The following NFATC3 variants were observed in gnomAD, a reference collection of about 807,000 sequenced individuals.
NFATC3 encodes nuclear factor of activated T-cells, cytoplasmic 3.
NFATC3 carries 46 observed loss-of-function variants against 98.6 expected under a neutral mutation model. That is an observed-to-expected ratio of 0.47 (90% CI 0.37 to 0.60). NFATC3 has a LOEUF of 0.60. Among genes scored for constraint, NFATC3 ranks in the 20% least tolerant of loss-of-function variants. The pLI is 0.00. For synonymous variants in NFATC3, 512 were observed against 472.2 expected, an observed-to-expected ratio of 1.08 and a Z score of -1.09; for missense variants, 1,256 against 1,295.5, an observed-to-expected ratio of 0.97 and a Z score of 0.47.
chr16:68,123,045 TGTG>T lies in NFATC3; in HGVS notation c.1166_1168del (p.Gly389del), dbSNP rs746587289. The T allele has an allele frequency of 4.8e-5, 77 of 1,612,988 alleles. No individual in the cohort carries two copies. Among genetic ancestry groups the T allele is most frequent in the Non-Finnish European group, 5.8e-5 (68 of 1,180,026 alleles). ...TCAGTATCCTTTAAAGAAAGATTCA[TGTG>T]GTGATCAGTTTCTTTCAGTTCCTTC... On this transcript the variant is annotated inframe_deletion, in exon 2 of 10. Coordinates refer to ENST00000346183, the MANE Select transcript of NFATC3 (RefSeq NM_173165.3).
chr16:68,115,262 C>A (rs1303757202), intron 1 of NFATC3, among the ~76,000 whole-genome samples: 1 of 151,916 alleles, frequency 6.6e-6, no homozygotes, highest in Non-Finnish European at 1.5e-5. Flanking sequence ...TGAGGTTTTG[C>A]CATGTTGTCC....
intron 9 of NFATC3, among the ~76,000 whole-genome samples, chr16:68,205,903 T>TC (rs2041126362): frequency 6.6e-6 from 1 of 150,768 alleles, no homozygotes; most frequent in Non-Finnish European, 1.5e-5. Flanking sequence ...TATCTTTTTT[T>TC]CTTTTTTTTT....
At chr16:68,189,900 C>T (rs1466843712) in intron 8 of NFATC3, among the ~76,000 whole-genome samples, 3 of 152,012 alleles carry the variant, frequency 2.0e-5, no homozygotes, top group Admixed American at 6.6e-5. Context: ...TTTGTCTCCA[C>T]AAAAAATAAA....
intron 1 of NFATC3, among the ~76,000 whole-genome samples, chr16:68,119,242 A>T (rs927005670): frequency 6.6e-5 from 10 of 152,162 alleles, no homozygotes; most frequent in Admixed American, 6.6e-5. Flanking sequence ...CATCCAGTCA[A>T]CAAGTTCCGT....
intron 1 of NFATC3, among the ~76,000 whole-genome samples, chr16:68,090,753 A>G (rs1378678626): frequency 6.6e-6 from 1 of 152,172 alleles, no homozygotes; most frequent in Non-Finnish European, 1.5e-5. Context: ...TCTTGTAGAA[A>G]TTTAATGGTG....
intron 1 of NFATC3, among the ~76,000 whole-genome samples, chr16:68,120,600 A>G (rs2036520373): frequency 6.7e-6 from 1 of 150,212 alleles, no homozygotes; most frequent in African/African-American, 2.5e-5. Flanking sequence ...AAAATTAGCT[A>G]GGCATGGTGG....
At chr16:68,131,081 A>T (rs1464535847) in intron 3 of NFATC3, among the ~76,000 whole-genome samples, 1 of 152,064 alleles carries the variant, frequency 6.6e-6, no homozygotes, top group Non-Finnish European at 1.5e-5. Context: ...CAAGTAGTGT[A>T]ATGCCTCGGG....
At chr16:68,092,849 A>G (rs1056632301) in intron 1 of NFATC3, among the ~76,000 whole-genome samples, 1 of 152,178 alleles carries the variant, frequency 6.6e-6, no homozygotes, top group Non-Finnish European at 1.5e-5. Flanking sequence ...CTATCCTTTT[A>G]TTGGGTTAGT....
intron 1 of NFATC3, among the ~76,000 whole-genome samples, chr16:68,087,250 T>C (rs899426935): frequency 6.6e-6 from 1 of 152,178 alleles, no homozygotes; most frequent in African/African-American, 2.4e-5. Flanking sequence ...AGAGCATATA[T>C]ACAAATATAT....
intron 9 of NFATC3, among the ~76,000 whole-genome samples, chr16:68,215,350 A>G (rs1427574935): frequency 6.6e-6 from 1 of 152,226 alleles, no homozygotes; most frequent in Non-Finnish European, 1.5e-5. Context: ...AGTTATAACC[A>G]GAGGATTTAA....
chr16:68,095,101 G>A (rs2034940797), intron 1 of NFATC3, among the ~76,000 whole-genome samples: 1 of 152,108 alleles, frequency 6.6e-6, no homozygotes, highest in African/African-American at 2.4e-5. Flanking sequence ...AAATCTGTTA[G>A]GGAGGAAGAA....
chr16:68,190,874 T>C lies in NFATC3; in HGVS notation c.2205T>C (p.Cys735=). The C allele has an allele frequency of 6.2e-7, 1 of 1,614,216 alleles. No homozygotes were observed. The highest frequency in any genetic ancestry group is 8.5e-7 in the Non-Finnish European group (1 of 1,180,044). The change falls in exon 9 of 10, where the codon TGT becomes TGC. Residue 735 remains cysteine (C), a synonymous_variant. Coordinates refer to ENST00000346183, the MANE Select transcript of NFATC3 (RefSeq NM_173165.3). ...QTQRPSSDSG[C]SHDSVLSGQR... ...AGAGGCCTTCCTCTGATTCAGGGTG[T>C]TCACATGACAGTGTACTGTCAGGAC... is the stretch of plus-strand genomic sequence containing the variant.
intron 4 of NFATC3, among the ~76,000 whole-genome samples, chr16:68,163,685 C>CG (rs2039026208): frequency 7.4e-6 from 1 of 134,308 alleles, no homozygotes; most frequent in Non-Finnish European, 1.6e-5. Context: ...ACTTCTCTGA[C>CG]GGGGCGGCCG....
At chr16:68,200,640 G>A (rs943198906) in intron 9 of NFATC3, 1 of 152,076 alleles carries the variant, frequency 6.6e-6, no homozygotes, top group African/African-American at 2.4e-5. Context: ...CCCCCTGGAA[G>A]GCTGTAATAT....
intron 3 of NFATC3, among the ~76,000 whole-genome samples, chr16:68,152,111 C>T (rs978478179): frequency 6.6e-6 from 1 of 151,004 alleles, no homozygotes; most frequent in Non-Finnish European, 1.5e-5. Context: ...GCCTATAATC[C>T]CAGCACTTTG....
chr16:68,176,393 T>C (rs1327394038), intron 6 of NFATC3, among the ~76,000 whole-genome samples: 1 of 151,924 alleles, frequency 6.6e-6, no homozygotes, highest in Non-Finnish European at 1.5e-5. Context: ...CGATATTGCC[T>C]CTATTCTTTG....
intron 9 of NFATC3, among the ~76,000 whole-genome samples, chr16:68,204,098 G>C (rs920580930): frequency 1.3e-5 from 2 of 152,136 alleles, no homozygotes; most frequent in Non-Finnish European, 2.9e-5. Flanking sequence ...TAAGGCAGGA[G>C]AATCGTTTGA....
intron 9 of NFATC3, among the ~76,000 whole-genome samples, chr16:68,215,790 C>T (rs550398511): frequency 2.4e-4 from 32 of 134,230 alleles, no homozygotes; most frequent in South Asian, 2.3e-3. Context: ...TGCAGTGGTG[C>T]GATCTCCGCT....
chr16:68,092,893 C>A (rs1045694131), intron 1 of NFATC3, among the ~76,000 whole-genome samples: 2 of 152,168 alleles, frequency 1.3e-5, no homozygotes, highest in Non-Finnish European at 2.9e-5. Context: ...CTGAAAATGA[C>A]TTTTGTTTCC....
Sources: gnomAD v4.1 joint callset for allele counts (sites outside exome capture counted in the v4.1 genomes callset) on GRCh38, gnomAD v4.1.1 for gene constraint, MANE v1.5 for transcripts, NCBI Gene and HGNC (gene_info 2026-07-23, HGNC 2026-07-21) for gene names.